SYNCRIP: variants seen among roughly 807,000 people sequenced by gnomAD.
SYNCRIP encodes the protein synaptotagmin binding cytoplasmic RNA interacting protein.
SYNCRIP carries 9 observed loss-of-function variants against 68.9 expected under a neutral mutation model. The observed-to-expected ratio is 0.13, with a 90% confidence interval of 0.08 to 0.23. SYNCRIP has a LOEUF of 0.23. SYNCRIP is among the 10% of genes least tolerant of loss of function. SYNCRIP has a pLI of 1.00. For missense variants in SYNCRIP, 414 were observed against 770.6 expected, an observed-to-expected ratio of 0.54 and a Z score of 5.48; for synonymous variants, 258 against 254.0, an observed-to-expected ratio of 1.02 and a Z score of -0.15.
intron 6 of SYNCRIP, 68 bp downstream of exon 6, chr6:85,636,899 A>G (rs1298642090): frequency 6.8e-7 from 1 of 1,464,190 alleles, no homozygotes; most frequent in African/African-American, 1.4e-5. Context: ...TCTTAGGCAC[A>G]CTAAGAAAAA....
At chr6:85,619,476 C>T in intron 8 of SYNCRIP, 59 bp from the exon 9 acceptor site, 1 of 1,438,076 alleles carries the variant, frequency 7.0e-7, no homozygotes, top group Non-Finnish European at 9.5e-7. Flanking sequence ...TCTAAGATAC[C>T]ACCACCCCAC....
chr6:85,640,137 C>T (rs1808958779), intron 4 of SYNCRIP, 84 bp downstream of exon 4: 5 of 872,008 alleles, frequency 5.7e-6, no homozygotes, highest in East Asian at 2.4e-5. Context: ...TAACATACAT[C>T]CATTTCATAC....
intron 7 of SYNCRIP, among the ~76,000 whole-genome samples, chr6:85,623,583 A>AAAAAAAC (rs1562087872): frequency 6.9e-6 from 1 of 143,892 alleles, no homozygotes; most frequent in African/African-American, 2.5e-5. Context: ...AAAAAAAAAA[A>AAAAAAAC]CACTCTGCTA....
At chr6:85,626,991 C>A (rs915268896) in intron 6 of SYNCRIP, among the ~76,000 whole-genome samples, 14 of 152,050 alleles carry the variant, frequency 9.2e-5, no homozygotes, top group African/African-American at 2.4e-4. Context: ...TTGGGCCAGG[C>A]GCGGTGGCTC....
At chr6:85,624,174 T>C (rs897400645) in intron 6 of SYNCRIP, 62 bp from the exon 7 acceptor site, 2 of 1,497,888 alleles carry the variant, frequency 1.3e-6, no homozygotes, top group East Asian at 2.3e-5. Context: ...CAGTTAATTA[T>C]AAAAGATACA....
In SYNCRIP at chr6:85,614,764, A is replaced by G; in HGVS notation, c.1864T>C (p.Trp622Arg). ...EFYQDTFGQQ[W>R]K ...CAGAGGCCCTACTGTTTCTACTTCC[A>G]CTGTTGCCCAAAAGTATCCTGATAA... Residue 622 changes from tryptophan (W) to arginine (R), a missense_variant, in exon 11 of 11, where the codon TGG becomes CGG. Physicochemically the swap from Trp to Arg is moderately radical, Grantham distance 101. Around this residue, in one of 6 missense-constraint regions of SYNCRIP, gnomAD observed 130 missense variants for 149.0 expected, o/e 0.87. Coordinates refer to ENST00000369622, the MANE Select transcript of SYNCRIP (RefSeq NM_006372.5). 1 of 1,591,828 alleles carries G rather than the reference A, an allele frequency of 6.3e-7. No individual in the cohort carries two copies. The highest frequency in any genetic ancestry group is 8.5e-7 in the Non-Finnish European group (1 of 1,170,234).
upstream of SYNCRIP, chr6:85,643,310 T>TTCTC (rs1425408052): frequency 6.6e-6 from 1 of 151,684 alleles, no homozygotes; most frequent in South Asian, 2.1e-4. Flanking sequence ...GCTCCTCTCT[T>TTCTC]TCTCTCTCCC....
chr6:85,622,955 G>T (rs1393567957), intron 7 of SYNCRIP, among the ~76,000 whole-genome samples: 4 of 152,176 alleles, frequency 2.6e-5, no homozygotes, highest in African/African-American at 9.6e-5. Context: ...AATTAGATCA[G>T]AGAGGCAGAT....
At chr6:85,622,406 T>C (rs1806520521) in intron 8 of SYNCRIP, 76 bp downstream of exon 8, 1 of 1,336,544 alleles carries the variant, frequency 7.5e-7, no homozygotes, top group Non-Finnish European at 1.1e-6. Flanking sequence ...CTGTTCATTT[T>C]ATGTTCCCCC....
At chr6:85,611,393 T>G (rs979629705), downstream of SYNCRIP, 6 of 152,542 alleles carry the variant, frequency 3.9e-5, no homozygotes, top group Non-Finnish European at 7.4e-5. Flanking sequence ...ACATATGACA[T>G]GTCTGATTTT....
intron 8 of SYNCRIP, among the ~76,000 whole-genome samples, 181 bp from the exon 9 acceptor site, chr6:85,619,598 T>C (rs1294138624): frequency 6.6e-6 from 1 of 152,140 alleles, no homozygotes; most frequent in Non-Finnish European, 1.5e-5. Context: ...CTGGATCATG[T>C]TGAAAGACCT....
chr6:85,629,545 C>T (rs988851511), intron 6 of SYNCRIP, among the ~76,000 whole-genome samples: 24 of 137,426 alleles, frequency 1.7e-4, no homozygotes, highest in Non-Finnish European at 3.3e-4. Context: ...AAAAAAGGGC[C>T]GGGTGCGGTG....
At chr6:85,634,323 A>G (rs1429524660) in intron 6 of SYNCRIP, among the ~76,000 whole-genome samples, 1 of 152,214 alleles carries the variant, frequency 6.6e-6, no homozygotes, top group Non-Finnish European at 1.5e-5. Flanking sequence ...ACATCTATAA[A>G]TAAGTTATAG....
chr6:85,617,808 G>A (rs1383303923), intron 10 of SYNCRIP, among the ~76,000 whole-genome samples: 1 of 152,192 alleles, frequency 6.6e-6, no homozygotes, highest in African/African-American at 2.4e-5. Context: ...ACCTTGAATA[G>A]TATTGACAGT....
At chr6:85,620,716 GA>G (rs1806289043) in intron 8 of SYNCRIP, among the ~76,000 whole-genome samples, 2 of 152,198 alleles carry the variant, frequency 1.3e-5, no homozygotes, top group South Asian at 4.1e-4. Context: ...TACTGGTAGT[GA>G]GGAAGGCTGT....
chr6:85,631,676 T>C (rs1807812443), intron 6 of SYNCRIP, among the ~76,000 whole-genome samples: 1 of 152,244 alleles, frequency 6.6e-6, no homozygotes, highest in African/African-American at 2.4e-5. Context: ...CTTTTAACAC[T>C]ACCTAAACCA....
intron 10 of SYNCRIP, among the ~76,000 whole-genome samples, chr6:85,617,156 T>C (rs1231654884): frequency 1.4e-5 from 2 of 144,366 alleles, no homozygotes; most frequent in East Asian, 4.1e-4. Context: ...CTCACAGGAA[T>C]ACAGTGAGAA....
At chr6:85,617,235 C>T (rs965470049) in intron 10 of SYNCRIP, among the ~76,000 whole-genome samples, 3 of 150,820 alleles carry the variant, frequency 2.0e-5, no homozygotes, top group South Asian at 2.1e-4. Context: ...AGTTAAAGTA[C>T]GAAAGTAACA....
At chr6:85,640,032 C>G (rs1267598365) in intron 4 of SYNCRIP, among the ~76,000 whole-genome samples, 189 bp downstream of exon 4, 2 of 152,036 alleles carry the variant, frequency 1.3e-5, no homozygotes, top group Non-Finnish European at 2.9e-5. Context: ...AGCTGGATAA[C>G]ATGATAAACT....
Sources: allele counts gnomAD v4.1 joint callset (sites outside exome capture counted in the v4.1 genomes callset), GRCh38; gene constraint gnomAD v4.1.1; regional missense constraint gnomAD v4.1.1; transcripts MANE v1.5; gene names NCBI Gene and HGNC (gene_info 2026-07-23, HGNC 2026-07-21).